GABRA6: variants seen among roughly 807,000 people sequenced by gnomAD.
GABRA6 encodes the protein gamma-aminobutyric acid type A receptor subunit alpha6.
A neutral mutation model predicts 47.3 loss-of-function variants in GABRA6; 45 were observed. The ratio of observed to expected loss-of-function variants is 0.95; its 90% CI spans 0.75 to 1.22. The LOEUF is 1.22. GABRA6 is among the 50% of genes most tolerant of loss of function. GABRA6 has a pLI of 0.00. For missense variants in GABRA6, 583 were observed against 549.3 expected, an observed-to-expected ratio of 1.06 and a Z score of -0.61; for synonymous variants, 219 against 194.7, an observed-to-expected ratio of 1.12 and a Z score of -1.04.
intron 8 of GABRA6, among the ~76,000 whole-genome samples, chr5:161,695,455 T>C (rs1275328436): frequency 6.6e-6 from 1 of 152,106 alleles, no homozygotes; most frequent in African/African-American, 2.4e-5. Flanking sequence ...CATGCTACCT[T>C]AATATTAGAG....
At chr5:161,692,366 A>G (rs1276357896) in intron 8 of GABRA6, among the ~76,000 whole-genome samples, 166 bp downstream of exon 8, 1 of 152,172 alleles carries the variant, frequency 6.6e-6, no homozygotes, top group African/African-American at 2.4e-5. Flanking sequence ...GAGAAAAGCT[A>G]TGGAACAATC....
chr5:161,695,877 A>G (rs138733671), intron 8 of GABRA6, among the ~76,000 whole-genome samples: 2 of 151,996 alleles, frequency 1.3e-5, no homozygotes, highest in African/African-American at 2.4e-5. Flanking sequence ...TTCATACCAT[A>G]TATATTTGAT....
chr5:161,687,324 A>G, intron 3 of GABRA6: 1 of 400,046 alleles, frequency 2.5e-6, no homozygotes. Context: ...TATTGGAGGA[A>G]GAAAAAAAAC....
chr5:161,695,718 C>T (rs1754875054), intron 8 of GABRA6, among the ~76,000 whole-genome samples: 1 of 152,042 alleles, frequency 6.6e-6, no homozygotes, highest in African/African-American at 2.4e-5. Context: ...GGTGTGATGC[C>T]TTTTGTAAAT....
Position 161,692,117 on chromosome 5 carries a change from G to T in GABRA6, c.1003G>T (p.Ala335Ser). ...NYFTNLQTQK[A>S]KRKAQFAAPP... ...CTTTACCAATCTTCAGACACAGAAG[G>T]CCAAAAGGAAGGCACAGTTTGCAGC... The change falls in exon 8 of 9, where the codon GCC becomes TCC. Residue 335 changes from alanine to serine, a missense_variant. Ala to Ser is a moderately conservative substitution (Grantham distance 99). Coordinates refer to ENST00000274545, the MANE Select transcript of GABRA6 (RefSeq NM_000811.3). The T allele has an allele frequency of 6.2e-7, 1 of 1,614,092 alleles. No individual in the cohort carries two copies. Among genetic ancestry groups the T allele is most frequent in the Non-Finnish European group, 8.5e-7 (1 of 1,179,968 alleles).
rs1754767450 is a variant in GABRA6 at position 161,690,186 on chromosome 5, T to A, written c.674-15T>A. On this transcript the variant is annotated splice_polypyrimidine_tract_variant and intron_variant, in intron 6 of 8. Transcript: ENST00000274545. ...TGTCAGCAGTAATAATACTGATGTA[T>A]GTGTCTTCCAACAGGTGAATACGTT... 2 of 1,612,064 alleles carry A rather than the reference T, an allele frequency of 1.2e-6. No individual in the cohort carries two copies. Among genetic ancestry groups the A allele is most frequent in the African/African-American group, 1.3e-5 (1 of 74,888 alleles).
chr5:161,696,071 G>A (rs532476084), intron 8 of GABRA6, among the ~76,000 whole-genome samples: 1 of 152,266 alleles, frequency 6.6e-6, no homozygotes, highest in African/African-American at 2.4e-5. Flanking sequence ...GAAGAGCCAT[G>A]CAAAAGTGTC....
intron 8 of GABRA6, among the ~76,000 whole-genome samples, chr5:161,700,816 C>A (rs11956731): frequency 1.3e-5 from 2 of 151,888 alleles, no homozygotes; most frequent in Non-Finnish European, 2.9e-5. Context: ...AAGTTCTGAG[C>A]GGGAAGTAAG....
Position 161,686,338 on chromosome 5 carries a change from G to A in GABRA6, c.147G>A (p.Pro49=), listed in dbSNP as rs187766196. The A allele has an allele frequency of 3.0e-5, 48 of 1,612,162 alleles. No homozygotes were observed. The highest frequency in any genetic ancestry group is 6.7e-5 in the East Asian group (3 of 44,852). ...LLEGYDNRLR[P]GFGGAVTEVK... ...AAGGCTATGACAATCGGCTGCGGCC[G>A]GGATTTGGAGGTAAGAAGCTGCATC... Residue 49 remains proline, a synonymous_variant, in exon 2 of 9, where the codon CCG becomes CCA. Coordinates refer to ENST00000274545, the MANE Select transcript of GABRA6 (RefSeq NM_000811.3).
At chr5:161,693,777 C>T (rs1264580088) in intron 8 of GABRA6, among the ~76,000 whole-genome samples, 7 of 152,046 alleles carry the variant, frequency 4.6e-5, no homozygotes, top group Non-Finnish European at 8.8e-5. Context: ...ATGATCACAC[C>T]GCTGAACTCC....
chr5:161,692,295 T>A (rs1206371263), intron 8 of GABRA6, 95 bp downstream of exon 8: 5 of 1,446,756 alleles, frequency 3.5e-6, no homozygotes, highest in Non-Finnish European at 3.9e-6. Flanking sequence ...TAATGTGAGT[T>A]GAGCACAGGT....
chr5:161,687,013 T>C lies in GABRA6; in HGVS notation c.225+10T>C. The C allele has an allele frequency of 6.2e-7, 1 of 1,612,922 alleles. No homozygotes were observed. Among genetic ancestry groups the C allele is most frequent in the Non-Finnish European group, 8.5e-7 (1 of 1,178,958 alleles). On this transcript the variant is annotated intron_variant, in intron 3 of 8. Transcript: ENST00000274545. ...GTCAGATGTGGAGATGGTGAGTAAG[T>C]TCTAAGTGAGTTGGGTGTTTTCATT...
At chr5:161,690,878 C>T (rs1329418880) in intron 7 of GABRA6, among the ~76,000 whole-genome samples, 1 of 152,130 alleles carries the variant, frequency 6.6e-6, no homozygotes, top group African/African-American at 2.4e-5. Context: ...ACATCAGTGA[C>T]ACATTCCAGT....
chr5:161,689,449 T>G, intron 5 of GABRA6, 113 bp downstream of exon 5: 1 of 1,081,236 alleles, frequency 9.2e-7, no homozygotes, highest in Non-Finnish European at 1.4e-6. Flanking sequence ...ACTATCAGTG[T>G]GATTCTAGGA....
In GABRA6 at chr5:161,691,203, T is replaced by C. The variant is rs1754780988; in HGVS notation, c.827-738T>C. ...GGTAACCTAATTTTATGCTAATATTTATACCATATTTATTTATTAACTATC... is the reference window on the plus strand; with the variant it reads ...GGTAACCTAATTTTATGCTAATATTCATACCATATTTATTTATTAACTATC... On this transcript the variant is annotated intron_variant, in intron 7 of 8. Transcript: ENST00000274545. 3.3e-5 allele frequency among the ~76,000 whole-genome samples: 5 copies of C among 151,848 alleles called. No homozygotes were observed. The South Asian group carries it at 1.0e-3, about 31-fold the overall frequency.
At position 161,689,066 on chromosome 5, in the gene GABRA6, G is replaced by C; in HGVS notation, c.343G>C (p.Asp115His). 1 of 1,614,016 alleles carries C rather than the reference G, an allele frequency of 6.2e-7. No homozygotes were observed. The highest frequency in any genetic ancestry group is 8.5e-7 in the Non-Finnish European group (1 of 1,179,960). ...NLMVSKIWTP[D>H]TFFRNGKKSI... ...GATGGTCAGTAAAATCTGGACGCCT[G>C]ACACCTTTTTCAGAAATGGTAAAAA... The change falls in exon 4 of 9, where the codon GAC becomes CAC. Residue 115 changes from aspartate (D) to histidine (H), a missense_variant. Physicochemically the swap from Asp to His is moderately conservative, Grantham distance 81. Coordinates refer to ENST00000274545, the MANE Select transcript of GABRA6 (RefSeq NM_000811.3).
At chr5:161,698,565 T>A (rs1754922021) in intron 8 of GABRA6, among the ~76,000 whole-genome samples, 1 of 152,106 alleles carries the variant, frequency 6.6e-6, no homozygotes, top group African/African-American at 2.4e-5. Context: ...CATATATATG[T>A]TTGTGTATAT....
chr5:161,695,857 C>T (rs560674914), intron 8 of GABRA6, among the ~76,000 whole-genome samples: 2 of 151,470 alleles, frequency 1.3e-5, no homozygotes, highest in East Asian at 1.9e-4. Context: ...TTTATGCATT[C>T]GTTGAATTAT....
chr5:161,688,385 A>G (rs777748128), intron 3 of GABRA6, among the ~76,000 whole-genome samples: 1 of 152,170 alleles, frequency 6.6e-6, no homozygotes, highest in Non-Finnish European at 1.5e-5. Context: ...ACATACTTAA[A>G]TGATACCCTC....
Sources: gnomAD v4.1 joint callset for allele counts (sites outside exome capture counted in the v4.1 genomes callset) on GRCh38, gnomAD v4.1.1 for gene constraint, MANE v1.5 for transcripts, NCBI Gene and HGNC (gene_info 2026-07-23, HGNC 2026-07-21) for gene names.